The following NFATC1 variants were observed in gnomAD, a reference collection of about 807,000 sequenced individuals.
NFATC1 encodes nuclear factor of activated T cells 1, also known as nuclear factor of activated T-cells, cytoplasmic 1.
A neutral mutation model predicts 76.0 loss-of-function variants in NFATC1; 22 were observed. That is an observed-to-expected ratio of 0.29 (90% CI 0.21 to 0.41). The LOEUF is 0.41. NFATC1 is among the 10% of genes least tolerant of loss of function. The pLI is 1.00. For synonymous variants in NFATC1, 704 were observed against 613.1 expected, an observed-to-expected ratio of 1.15 and a Z score of -2.19; for missense variants, 1,357 against 1,337.7, an observed-to-expected ratio of 1.01 and a Z score of -0.23.
At chr18:79,452,059 G>A in intron 6 of NFATC1, 1 of 422,572 alleles carries the variant, frequency 2.4e-6, no homozygotes. Flanking sequence ...CGGGGCCACT[G>A]CACTCACATC....
rs371108597 is a variant in NFATC1, at chr18:79,486,537, C to T, written c.2382C>T (p.Ala794=). The T allele has an allele frequency of 6.7e-5, 107 of 1,597,424 alleles. No individual in the cohort carries two copies. Among genetic ancestry groups the T allele is most frequent in the African/African-American group, 3.6e-4 (27 of 74,912 alleles). The change falls in exon 9 of 10, where the codon GCC becomes GCT. Residue 794 remains alanine (A), a synonymous_variant. Coordinates refer to ENST00000427363, the MANE Select transcript of NFATC1 (RefSeq NM_001278669.2). ...GTCACCTCGGACTCCCGCAGCCGGCCGGAGAGGCCCCCGCCGTCCAGGACG... is the reference window on the plus strand; with the variant it reads ...GTCACCTCGGACTCCCGCAGCCGGCTGGAGAGGCCCCCGCCGTCCAGGACG... ...GHCHLGLPQP[A]GEAPAVQDVP...
At chr18:79,424,832 C>A (rs529623926) in intron 2 of NFATC1, among the ~76,000 whole-genome samples, 13 of 103,824 alleles carry the variant, frequency 1.3e-4, no homozygotes, top group African/African-American at 4.4e-4. Flanking sequence ...TGTCTCTCTC[C>A]ATCTCTGTCT....
intron 2 of NFATC1, among the ~76,000 whole-genome samples, chr18:79,420,557 T>C (rs1254962614): frequency 6.6e-6 from 1 of 151,564 alleles, no homozygotes; most frequent in Admixed American, 6.6e-5. Context: ...GGGATGCGTT[T>C]CCAGGTGACA....
intron 2 of NFATC1, among the ~76,000 whole-genome samples, chr18:79,415,592 A>G (rs1034680909): frequency 9.2e-5 from 14 of 152,096 alleles, no homozygotes; most frequent in African/African-American, 2.9e-4. Context: ...CTTGAATTCA[A>G]TTTCTACACA....
chr18:79,511,642 G>A (rs533937364), intron 9 of NFATC1, among the ~76,000 whole-genome samples: 5 of 152,300 alleles, frequency 3.3e-5, no homozygotes, highest in South Asian at 2.1e-4. Context: ...GCCAGGACAC[G>A]TCTGCGCCCC....
At position 79,396,040 on chromosome 18, in the gene NFATC1, A is replaced by T; in HGVS notation, c.-185A>T. 1 of 578,990 alleles carries T rather than the reference A, an allele frequency of 1.7e-6. No individual in the cohort carries two copies. Among genetic ancestry groups the T allele is most frequent in the Non-Finnish European group, 2.3e-6 (1 of 431,002 alleles). The allele number at this position is 578,990 out of a possible 1,614,324, so 35.9% of individuals were successfully genotyped here. A position where few individuals can be genotyped will look rare whatever the true frequency, so the allele number is the denominator to read the frequency against. ...CGGGCAGGGCTCGGAGCCACCGCGC[A>T]GGTCCTAGGGCCGCGGCCGGGCCCC... On this transcript the variant is annotated 5_prime_UTR_variant, in exon 1 of 10. Transcript: ENST00000427363.
chr18:79,512,149 A>G (rs981995981), intron 9 of NFATC1, among the ~76,000 whole-genome samples: 5 of 152,092 alleles, frequency 3.3e-5, no homozygotes, highest in African/African-American at 1.2e-4. Flanking sequence ...GACAAGCCCC[A>G]GGACGCAGCC....
At chr18:79,411,772 A>C (rs1451621126) in intron 2 of NFATC1, among the ~76,000 whole-genome samples, 2 of 152,158 alleles carry the variant, frequency 1.3e-5, no homozygotes, top group Non-Finnish European at 2.9e-5. Context: ...GGCCCTGCTG[A>C]TGGCCTCGTG....
At chr18:79,503,737 G>C (rs2090061983) in intron 9 of NFATC1, among the ~76,000 whole-genome samples, 2 of 152,212 alleles carry the variant, frequency 1.3e-5, no homozygotes. Context: ...CCAGCTATGG[G>C]AGTCCCAGAC....
chr18:79,412,864 C>T (rs952623339), intron 2 of NFATC1, among the ~76,000 whole-genome samples: 4 of 152,170 alleles, frequency 2.6e-5, no homozygotes, highest in Non-Finnish European at 5.9e-5. Flanking sequence ...TTGCAGTGGG[C>T]GCATTTACCT....
intron 4 of NFATC1, 133 bp downstream of exon 4, chr18:79,449,117 C>T (rs2087348723): frequency 2.6e-6 from 2 of 780,854 alleles, no homozygotes. Flanking sequence ...GGTTTAACAG[C>T]CAATAAGTAA....
intron 3 of NFATC1, among the ~76,000 whole-genome samples, chr18:79,448,113 A>G (rs1003703782): frequency 6.6e-6 from 1 of 152,198 alleles, no homozygotes; most frequent in Non-Finnish European, 1.5e-5. Context: ...GCCGGCCGAG[A>G]AGCCATGAGC....
At chr18:79,408,800 C>CCTA (rs2085529750) in intron 1 of NFATC1, among the ~76,000 whole-genome samples, 1 of 151,998 alleles carries the variant, frequency 6.6e-6, no homozygotes, top group Non-Finnish European at 1.5e-5. Flanking sequence ...TCCATTATTC[C>CCTA]TCCATTCCCT....
chr18:79,450,555 C>T (rs1208899637), intron 4 of NFATC1, among the ~76,000 whole-genome samples: 1 of 152,156 alleles, frequency 6.6e-6, no homozygotes, highest in African/African-American at 2.4e-5. Context: ...CCCTGGGCCG[C>T]TCTCTGCCGC....
At position 79,410,867 on chromosome 18, in the gene NFATC1, G is replaced by A. The variant is rs180800829; in HGVS notation, c.592G>A (p.Ala198Thr). 1.6e-5 allele frequency: 26 copies of A among 1,609,722 alleles called. No homozygotes were observed. The African/African-American group carries it at 1.9e-4, about 12-fold the overall frequency. Residue 198 changes from alanine (A) to threonine (T), a missense_variant, in exon 2 of 10, where the codon GCG becomes ACG. Around this residue, in one of 3 missense-constraint regions of NFATC1, gnomAD observed 691 missense variants for 613.1 expected, o/e 1.13. Coordinates refer to ENST00000427363, the MANE Select transcript of NFATC1 (RefSeq NM_001278669.2). The surrounding 1 kb of genome is among the most constrained non-coding windows in gnomAD (Gnocchi z 6.7). The stretch of plus-strand genomic sequence containing the variant: ...CGAGTCCAACTACTCGTACCCGTAC[G>A]CGTCCCCCCAGACGTCGCCATGGCA... ...SYESNYSYPY[A>T]SPQTSPWQSP...
At chr18:79,497,675 CAG>C in intron 9 of NFATC1, 1 of 151,916 alleles carries the variant, frequency 6.6e-6, no homozygotes, top group South Asian at 2.1e-4. Flanking sequence ...GGCTTCGGTA[CAG>C]AGAGGGCCCC....
intron 3 of NFATC1, among the ~76,000 whole-genome samples, chr18:79,442,389 C>T (rs1310605605): frequency 2.0e-5 from 3 of 152,224 alleles, no homozygotes; most frequent in South Asian, 2.1e-4. Context: ...CATTCACGGG[C>T]GCCATGTCTC....
intron 8 of NFATC1, among the ~76,000 whole-genome samples, chr18:79,471,530 G>A (rs2088787157): frequency 1.3e-5 from 2 of 152,178 alleles, no homozygotes; most frequent in South Asian, 2.1e-4. Context: ...ACCTGGAAAC[G>A]CTCCCAGGGC....
At chr18:79,445,531 G>A (rs1311138529) in intron 3 of NFATC1, among the ~76,000 whole-genome samples, 1 of 152,250 alleles carries the variant, frequency 6.6e-6, no homozygotes. Context: ...TTCCAGGGCT[G>A]AGAAGAGGAC....
Sources: gnomAD v4.1 joint callset for allele counts (sites outside exome capture counted in the v4.1 genomes callset) on GRCh38, gnomAD v4.1.1 for gene constraint, gnomAD v4.1.1 regional missense constraint, Gnocchi (gnomAD v3.1) non-coding constraint, MANE v1.5 for transcripts, NCBI Gene and HGNC (gene_info 2026-07-23, HGNC 2026-07-21) for gene names.